PLCB1: variants seen among roughly 807,000 people sequenced by gnomAD.
The protein encoded by PLCB1 is 1-phosphatidylinositol 4,5-bisphosphate phosphodiesterase beta-1.
A neutral mutation model predicts 161.8 loss-of-function variants in PLCB1; 46 were observed. That is an observed-to-expected ratio of 0.28 (90% CI 0.22 to 0.36). The LOEUF is 0.36. PLCB1 is among the 10% of genes least tolerant of loss of function. The pLI, the probability that PLCB1 is intolerant of heterozygous loss-of-function variation, is 1.00. For missense variants in PLCB1, 1,016 were observed against 1,472.5 expected (o/e 0.69, Z 5.07); for synonymous variants, 517 against 503.7 (o/e 1.03, Z -0.35).
At chr20:8,846,121 G>A (rs1164504883) in intron 31 of PLCB1, among the ~76,000 whole-genome samples, 2 of 152,204 alleles carry the variant, frequency 1.3e-5, no homozygotes, top group African/African-American at 2.4e-5. Flanking sequence ...AAGTAGCATG[G>A]CTGGGGAAGC....
chr20:8,546,313 CA>C lies in PLCB1; in HGVS notation c.247-81956del, dbSNP rs369485988. Among the ~76,000 whole-genome samples, 822 of 102,746 alleles carry C rather than the reference CA, an allele frequency of 8.0e-3. 3 individuals carry two copies. Among genetic ancestry groups the C allele is most frequent in the African/African-American group, 0.028 (734 of 26,352 alleles). The allele number at this position is 102,746 out of a possible 152,430, so 67.4% of individuals were successfully genotyped here. ...GGATGACAAGAACAAGACTCTATCTCAAAAAAAAAAAAAAAAAAAAAAAAAG... is the reference window on the plus strand; with the variant it reads ...GGATGACAAGAACAAGACTCTATCTCAAAAAAAAAAAAAAAAAAAAAAAAG... On this transcript the variant is annotated intron_variant, in intron 3 of 31. Transcript: ENST00000338037.
chr20:8,455,041 A>T (rs1981238321), intron 3 of PLCB1, among the ~76,000 whole-genome samples: 1 of 146,500 alleles, frequency 6.8e-6, no homozygotes, highest in Non-Finnish European at 1.5e-5. Flanking sequence ...TGTTAAAATG[A>T]GTACTAGTTG....
intron 1 of PLCB1, among the ~76,000 whole-genome samples, chr20:8,140,836 T>G (rs1306106038): frequency 6.6e-6 from 1 of 152,174 alleles, no homozygotes; most frequent in Non-Finnish European, 1.5e-5. Flanking sequence ...TTTGCTCTTT[T>G]TGCCCAGGCT....
chr20:8,758,272 G>T (rs971740575), intron 24 of PLCB1, among the ~76,000 whole-genome samples: 1 of 151,230 alleles, frequency 6.6e-6, no homozygotes, highest in Admixed American at 6.6e-5. Flanking sequence ...TATCAGACAC[G>T]CTTGAACTGC....
chr20:8,651,276 G>A, intron 7 of PLCB1: 1 of 587,826 alleles, frequency 1.7e-6, no homozygotes, highest in Non-Finnish European at 3.1e-6. Flanking sequence ...AATTATAAAA[G>A]TATTGAGTGC....
intron 12 of PLCB1, among the ~76,000 whole-genome samples, chr20:8,712,209 C>A (rs543955725): frequency 6.6e-6 from 1 of 152,020 alleles, no homozygotes; most frequent in South Asian, 2.1e-4. Flanking sequence ...GCAGGAGAAT[C>A]GCTTGAACCT....
At chr20:8,708,007 G>A (rs2144127) in intron 11 of PLCB1, among the ~76,000 whole-genome samples, 18,775 of 152,054 alleles carry the variant, frequency 0.12, 1,779 homozygotes, top group African/African-American at 0.27. Context: ...TGATTGCCTG[G>A]GACTAGGTGT....
chr20:8,137,673 A>T (rs192236370), intron 1 of PLCB1, among the ~76,000 whole-genome samples: 140 of 152,340 alleles, frequency 9.2e-4, no homozygotes, highest in Admixed American at 1.6e-3. Context: ...CATTTTCACA[A>T]AGTGAACATT....
At chr20:8,628,236 T>G in intron 3 of PLCB1, 58 bp from the exon 4 acceptor site, 1 of 1,273,416 alleles carries the variant, frequency 7.9e-7, no homozygotes, top group Non-Finnish European at 1.1e-6. Flanking sequence ...GTTGAAGTTA[T>G]GCTATCACGT....
chr20:8,220,469 A>C lies in PLCB1; in HGVS notation c.177+70098A>C, dbSNP rs565249870. Reference sequence around the variant, plus strand: ...AGATAAAATTAGTTAAGATGAGGTTATATTGGATCAGAGTGGACCCAAAAT... The same window carrying C: ...AGATAAAATTAGTTAAGATGAGGTTCTATTGGATCAGAGTGGACCCAAAAT... On this transcript the variant is annotated intron_variant, in intron 2 of 31. Coordinates refer to ENST00000338037, the MANE Select transcript of PLCB1 (RefSeq NM_015192.4). Among the ~76,000 whole-genome samples, 4 of 152,316 alleles carry C rather than the reference A, an allele frequency of 2.6e-5. No individual in the cohort carries two copies. In the South Asian group the frequency reaches 8.3e-4, roughly 32 times the overall value.
intron 3 of PLCB1, among the ~76,000 whole-genome samples, chr20:8,555,876 T>A (rs73897106): frequency 5.3e-5 from 8 of 152,142 alleles, no homozygotes; most frequent in African/African-American, 1.9e-4. Context: ...AAAGATGGAA[T>A]CAATTTTTTC....
At chr20:8,695,601 C>T (rs1990567744) in intron 10 of PLCB1, among the ~76,000 whole-genome samples, 1 of 152,054 alleles carries the variant, frequency 6.6e-6, no homozygotes, top group Non-Finnish European at 1.5e-5. Flanking sequence ...ACTTAGGAGG[C>T]TTAGGAAGGA....
intron 3 of PLCB1, among the ~76,000 whole-genome samples, chr20:8,431,416 G>A (rs1255855923): frequency 5.9e-5 from 9 of 152,098 alleles, no homozygotes; most frequent in Non-Finnish European, 1.2e-4. Context: ...AGAAGGAGAG[G>A]GAGAGGGAAA....
rs180984750 is a variant in PLCB1 at position 8,205,962 on chromosome 20, T to C, written c.177+55591T>C. ...ATTAAATTAATATATAGGTAGATCA[T>C]CCTCAGTGTATGAATAAATTATAGT... On this transcript the variant is annotated intron_variant, in intron 2 of 31. Transcript: ENST00000338037. Among the ~76,000 whole-genome samples, 79 of 151,222 alleles carry C rather than the reference T, an allele frequency of 5.2e-4. 1 individual carries two copies. Among genetic ancestry groups the C allele is most frequent in the African/African-American group, 1.5e-4 (6 of 40,494 alleles).
At position 8,733,112 on chromosome 20, in the gene PLCB1, A is replaced by G. The variant is rs1478191809; in HGVS notation, c.1889-126A>G. Reference sequence around the variant, plus strand: ...TCTTATCTGTGTTTCCTGCATTTCTACAATGACTCTCTTCCAAGGGAATAC... The same window carrying G: ...TCTTATCTGTGTTTCCTGCATTTCTGCAATGACTCTCTTCCAAGGGAATAC... On this transcript the variant is annotated intron_variant, in intron 18 of 31. Coordinates refer to ENST00000338037, the MANE Select transcript of PLCB1 (RefSeq NM_015192.4). 1.8e-5 allele frequency: 17 copies of G among 942,092 alleles called. No individual in the cohort carries two copies. In the South Asian group the frequency reaches 2.0e-4, roughly 11 times the overall value. The allele number at this position is 942,092 out of a possible 1,614,324, so 58.4% of individuals were successfully genotyped here. A position where few individuals can be genotyped will look rare whatever the true frequency, so the allele number is the denominator to read the frequency against.
chr20:8,298,077 T>G (rs959997488), intron 2 of PLCB1, among the ~76,000 whole-genome samples: 2 of 151,770 alleles, frequency 1.3e-5, no homozygotes, highest in African/African-American at 4.8e-5. Context: ...GGAGGATTGC[T>G]TGAGCTCGGG....
intron 3 of PLCB1, 137 bp from the exon 4 acceptor site, chr20:8,628,157 T>C: frequency 1.4e-6 from 1 of 701,762 alleles, no homozygotes. Flanking sequence ...AATGGGAGCC[T>C]TAAACTCCTA....
At chr20:8,779,199 G>A (rs567348095) in intron 27 of PLCB1, among the ~76,000 whole-genome samples, 69 of 152,180 alleles carry the variant, frequency 4.5e-4, no homozygotes, top group African/African-American at 1.5e-3. Context: ...AAGAAAGAAA[G>A]CATGGCATCC....
chr20:8,244,298 T>C (rs1980765789), intron 2 of PLCB1, among the ~76,000 whole-genome samples: 1 of 151,924 alleles, frequency 6.6e-6, no homozygotes, highest in South Asian at 2.1e-4. Flanking sequence ...AATCATACAG[T>C]CGTATTTGTA....
Sources: allele counts gnomAD v4.1 joint callset (sites outside exome capture counted in the v4.1 genomes callset), GRCh38; gene constraint gnomAD v4.1.1; transcripts MANE v1.5; gene names NCBI Gene and HGNC (gene_info 2026-07-23, HGNC 2026-07-21).